The following NPHP3 variants were observed in gnomAD, a reference collection of about 807,000 sequenced individuals.
NPHP3 encodes nephrocystin-3.
NPHP3 carries 123 observed loss-of-function variants against 171.9 expected under a neutral mutation model. The observed-to-expected ratio is 0.72, with a 90% CI of 0.62 to 0.83. The LOEUF (loss-of-function observed/expected upper bound fraction) is 0.83. NPHP3 is among the 40% of genes least tolerant of loss of function. The pLI is 0.00. For synonymous variants in NPHP3, 558 were observed against 579.2 expected, an observed-to-expected ratio of 0.96 and a Z score of 0.52; for missense variants, 1,506 against 1,591.9, an observed-to-expected ratio of 0.95 and a Z score of 0.92.
intron 7 of NPHP3, among the ~76,000 whole-genome samples, chr3:132,707,121 G>C (rs1032339779): frequency 3.3e-5 from 5 of 152,116 alleles, no homozygotes; most frequent in Non-Finnish European, 7.3e-5. Flanking sequence ...TTGCCTCCGT[G>C]TACAGTAATA....
chr3:132,715,098 T>A lies in NPHP3; in HGVS notation c.944A>T (p.Asp315Val), dbSNP rs149565564. The A allele has an allele frequency of 3.3e-4, 532 of 1,611,312 alleles. No homozygotes were observed. The highest frequency in any genetic ancestry group is 4.2e-4 in the Non-Finnish European group (494 of 1,177,712). The change falls in exon 5 of 27, where the codon GAT becomes GTT. Residue 315 changes from aspartate to valine, a missense_variant. By Grantham distance (152) the Asp-to-Val change is radical. Transcript: ENST00000337331. ...IYTDETQPEM[D>V]LFLKDYSPKL... is the part of the protein sequence containing the mutation. ...AAATATCCTCACCTTAAGGAAAAGATCCATCTCAGGCTGGGTTTCATCTGT... is the reference window on the plus strand; with the variant it reads ...AAATATCCTCACCTTAAGGAAAAGAACCATCTCAGGCTGGGTTTCATCTGT...
At chr3:132,711,390 A>T (rs1048752515) in intron 6 of NPHP3, among the ~76,000 whole-genome samples, 3 of 152,168 alleles carry the variant, frequency 2.0e-5, no homozygotes, top group Non-Finnish European at 4.4e-5. Flanking sequence ...TAAAATTTTT[A>T]AAAATGTACA....
intron 13 of NPHP3, among the ~76,000 whole-genome samples, chr3:132,698,074 C>G (rs1156632999): frequency 6.6e-6 from 1 of 151,896 alleles, no homozygotes; most frequent in Non-Finnish European, 1.5e-5. Context: ...CTCTGCCTCC[C>G]AGGTTCAAGT....
chr3:132,717,215 A>G (rs1303820886), intron 3 of NPHP3: 1 of 328,360 alleles, frequency 3.0e-6, no homozygotes, highest in Non-Finnish European at 5.7e-6. Flanking sequence ...AAAAAATTCT[A>G]AAAAACATTT....
chr3:132,697,872 T>A (rs561592669), intron 13 of NPHP3, among the ~76,000 whole-genome samples: 1 of 152,268 alleles, frequency 6.6e-6, no homozygotes, highest in South Asian at 2.1e-4. Context: ...ACAATATGTG[T>A]GTGGTATTAA....
chr3:132,684,566 C>T lies in NPHP3; in HGVS notation c.3558G>A (p.Leu1186=), dbSNP rs1457149516. ...LAYTVKHLAI[L]YKKMGKLDKA... is the part of the protein sequence containing the mutation. Reference sequence around the variant, plus strand: ...AAAGCTTACTTACCATTTTCTTATACAAGATGGCAAGATGCTTCACCGTAT... The same window carrying T: ...AAAGCTTACTTACCATTTTCTTATATAAGATGGCAAGATGCTTCACCGTAT... The change falls in exon 24 of 27, where the codon TTG becomes TTA. Residue 1186 remains leucine, a synonymous_variant. Coordinates refer to ENST00000337331, the MANE Select transcript of NPHP3 (RefSeq NM_153240.5). The T allele has an allele frequency of 1.9e-6, 3 of 1,613,926 alleles. No individual in the cohort carries two copies. Among genetic ancestry groups the T allele is most frequent in the Non-Finnish European group, 2.5e-6 (3 of 1,179,906 alleles).
At position 132,713,172 on chromosome 3, in the gene NPHP3, C is replaced by A; in HGVS notation, c.1072G>T (p.Glu358Ter). The change falls in exon 6 of 27, where the codon GAG (glutamate) becomes TAG (stop). Residue 358 changes from glutamate to a stop codon, truncating the protein, a stop_gained. Coordinates refer to ENST00000337331, the MANE Select transcript of NPHP3 (RefSeq NM_153240.5). LOFTEE classifies it high-confidence loss of function. ...AATAAAATAACTAAAGAACTTTTCT[C>A]AATTTCCCATTTTCTTACAGTGAGG... ...QYLTVRKWEI[E>*]KSSLVILFIH... The A allele has an allele frequency of 6.6e-7, 1 of 1,525,876 alleles. No individual in the cohort carries two copies. Among genetic ancestry groups the A allele is most frequent in the Non-Finnish European group, 9.0e-7 (1 of 1,113,444 alleles). The allele number at this position is 1,525,876 out of a possible 1,614,324, so 94.5% of individuals were successfully genotyped here.
At chr3:132,714,042 G>A (rs1433299313) in intron 5 of NPHP3, among the ~76,000 whole-genome samples, 3 of 152,212 alleles carry the variant, frequency 2.0e-5, no homozygotes, top group Non-Finnish European at 4.4e-5. Context: ...AATAATAATA[G>A]CTTTACAACT....
At chr3:132,693,873 G>C (rs538775164) in intron 16 of NPHP3, 2 of 143,860 alleles carry the variant, frequency 1.4e-5, no homozygotes, top group Non-Finnish European at 3.0e-5. Context: ...ACTCTGTCTC[G>C]GGAAAAAAAA....
chr3:132,721,794 C>T, intron 1 of NPHP3, 169 bp downstream of exon 1: 1 of 912,832 alleles, frequency 1.1e-6, no homozygotes, highest in Non-Finnish European at 1.7e-6. Flanking sequence ...AAAAAAGAGA[C>T]AGAAAAAGGG....
chr3:132,699,811 AT>A, intron 12 of NPHP3, 106 bp downstream of exon 12: 1 of 1,256,790 alleles, frequency 8.0e-7, no homozygotes, highest in Non-Finnish European at 1.1e-6. Context: ...AATATAAAAA[AT>A]AACATCATAT....
chr3:132,683,565 T>A (rs1436574917), intron 24 of NPHP3, 41 bp from the exon 25 acceptor site: 1 of 1,528,740 alleles, frequency 6.5e-7, no homozygotes, highest in South Asian at 1.1e-5. Flanking sequence ...TATAAGGCAA[T>A]AAATACTATC....
In NPHP3 at chr3:132,722,402, A is replaced by G. The variant is rs746290103; in HGVS notation, c.-47T>C. 3 of 1,542,130 alleles carry G rather than the reference A, an allele frequency of 1.9e-6. No individual in the cohort carries two copies. The highest frequency in any genetic ancestry group is 2.5e-5 in the East Asian group (1 of 39,468). On this transcript the variant is annotated 5_prime_UTR_variant, in exon 1 of 27. Transcript: ENST00000337331. Reference sequence around the variant, plus strand: ...CTAGTGAGTACCAGCAGGACTGGGCAGCGGAACGGAACGGGACGGGGTGGG... The same window carrying G: ...CTAGTGAGTACCAGCAGGACTGGGCGGCGGAACGGAACGGGACGGGGTGGG...
chr3:132,717,275 A>G (rs1940079517), intron 3 of NPHP3: 1 of 224,446 alleles, frequency 4.5e-6, no homozygotes, highest in African/African-American at 2.4e-5. Context: ...AAAAACCTCA[A>G]AGGCAGACTG....
chr3:132,692,735 GAAAGTCCAGGAC>G lies in NPHP3; in HGVS notation c.2382_2393del (p.Met794_Phe798delinsIle). 1 of 1,614,014 alleles carries G rather than the reference GAAAGTCCAGGAC, an allele frequency of 6.2e-7. No individual in the cohort carries two copies. The highest frequency in any genetic ancestry group is 8.5e-7 in the Non-Finnish European group (1 of 1,179,910). ...ATAAACTGTGAATAAGGGAGGTCAA[GAAAGTCCAGGAC>G]ATCTCAGGATAGAGTTCCATCAGTT... On this transcript the variant is annotated inframe_deletion, in exon 17 of 27. Coordinates refer to ENST00000337331, the MANE Select transcript of NPHP3 (RefSeq NM_153240.5).
At chr3:132,687,100 G>A in intron 22 of NPHP3, 51 bp downstream of exon 22, 1 of 907,794 alleles carries the variant, frequency 1.1e-6, no homozygotes, top group Non-Finnish European at 1.8e-6. Context: ...CATTTATGAT[G>A]CTCTTTTCCT....
At position 132,700,447 on chromosome 3, in the gene NPHP3, T is replaced by C; in HGVS notation, c.1630A>G (p.Ile544Val). The change falls in exon 11 of 27, where the codon ATT (isoleucine) becomes GTT (valine). Residue 544 changes from isoleucine to valine, a missense_variant and splice_region_variant. By Grantham distance (29) the Ile-to-Val change is conservative. Around this residue, in one of 3 missense-constraint regions of NPHP3, gnomAD observed 930 missense variants for 924.9 expected, o/e 1.01. Coordinates refer to ENST00000337331, the MANE Select transcript of NPHP3 (RefSeq NM_153240.5). ...SGKSLLLSKW[I>V]QLQQKNSPNT... ...GGGGAATTCTTCTGTTGTAATTGAA[T>C]CCTGAAAGAAAAAGACAGAACTTTT... is the stretch of plus-strand genomic sequence containing the variant. 1 of 1,581,466 alleles carries C rather than the reference T, an allele frequency of 6.3e-7. No individual in the cohort carries two copies. The highest frequency in any genetic ancestry group is 2.2e-5 in the East Asian group (1 of 44,694).
chr3:132,713,373 T>A, intron 5 of NPHP3, 87 bp from the exon 6 acceptor site: 1 of 820,286 alleles, frequency 1.2e-6, no homozygotes, highest in Non-Finnish European at 1.9e-6. Flanking sequence ...AAAAGCACGC[T>A]TTAAAACAGG....
chr3:132,683,483 A>T lies in NPHP3; in HGVS notation c.3612T>A (p.Val1204=), dbSNP rs768408287. The T allele has an allele frequency of 6.2e-7, 1 of 1,613,174 alleles. No individual in the cohort carries two copies. The highest frequency in any genetic ancestry group is 8.5e-7 in the Non-Finnish European group (1 of 1,179,280). ...GGCCAAAAGATTTCTGTCGAATTTC[A>T]ACAGCCAATTCATACAAAGGTACAG... ...DKAVPLYELA[V]EIRQKSFGPK... is the part of the protein sequence containing the mutation. Residue 1204 remains valine (V), a synonymous_variant, in exon 25 of 27, where the codon GTT becomes GTA. Coordinates refer to ENST00000337331, the MANE Select transcript of NPHP3 (RefSeq NM_153240.5).
Sources: gnomAD v4.1 joint callset for allele counts (sites outside exome capture counted in the v4.1 genomes callset) on GRCh38, gnomAD v4.1.1 for gene constraint, gnomAD v4.1.1 regional missense constraint, MANE v1.5 for transcripts, NCBI Gene and HGNC (gene_info 2026-07-23, HGNC 2026-07-21) for gene names.